The following GNPAT variants were observed in gnomAD, a reference collection of about 807,000 sequenced individuals.
The protein encoded by GNPAT is glyceronephosphate O-acyltransferase, also known as dihydroxyacetone phosphate acyltransferase.
Under a neutral mutation model 78.4 loss-of-function variants are expected in GNPAT, and 30 were observed. That is an observed-to-expected ratio of 0.38 (90% CI 0.29 to 0.52). GNPAT has a LOEUF of 0.52. GNPAT is among the 20% of genes least tolerant of loss of function. The pLI, the probability that GNPAT is intolerant of heterozygous loss-of-function variation, is 0.84. For synonymous variants in GNPAT, 271 were observed against 281.1 expected (o/e 0.96, Z 0.36); for missense variants, 714 against 812.2 (o/e 0.88, Z 1.47).
Position 231,246,534 on chromosome 1 carries a change from G to A in GNPAT, c.79-4427G>A, listed in dbSNP as rs528541020. ...AAAGGCCTATTTCACTAGCAGTAGGGAGAGGCCTGCTCTACTAAGTAAGAT... is the reference window on the plus strand; with the variant it reads ...AAAGGCCTATTTCACTAGCAGTAGGAAGAGGCCTGCTCTACTAAGTAAGAT... On this transcript the variant is annotated intron_variant, in intron 1 of 15. Transcript: ENST00000366647. Among the ~76,000 whole-genome samples the A allele has an allele frequency of 2.6e-5, 4 of 152,346 alleles. No homozygotes were observed. In the East Asian group the frequency reaches 7.7e-4, roughly 29 times the overall value.
Position 231,265,780 on chromosome 1 carries a change from TA to T in GNPAT, c.768del (p.Lys256AsnfsTer5). ...RSRSAKTLTP[K>X]FGLLNIVMEP... is the part of the protein sequence containing the mutation. Reference sequence around the variant, plus strand: ...GCCGCTCTGCCAAGACATTGACTCCTAAATTTGGTAGGTCACTACAGATTAA... The same window carrying T: ...GCCGCTCTGCCAAGACATTGACTCCTAATTTGGTAGGTCACTACAGATTAA... On this transcript the variant is annotated frameshift_variant, in exon 6 of 16. Transcript: ENST00000366647. LOFTEE classifies it high-confidence loss of function. The T allele has an allele frequency of 6.3e-7, 1 of 1,584,762 alleles. No individual in the cohort carries two copies. The highest frequency in any genetic ancestry group is 8.7e-7 in the Non-Finnish European group (1 of 1,153,158).
intron 6 of GNPAT, 37 bp from the exon 7 acceptor site, chr1:231,265,977 A>G: frequency 3.2e-6 from 5 of 1,582,036 alleles, no homozygotes; most frequent in Non-Finnish European, 3.5e-6. Flanking sequence ...TCTGCTCTTC[A>G]ATATGTTGAT....
chr1:231,271,043 GCCATTCCATT>G, intron 10 of GNPAT, 43 bp downstream of exon 10: 1 of 1,609,142 alleles, frequency 6.2e-7, no homozygotes, highest in Non-Finnish European at 8.5e-7. Flanking sequence ...AAGAGGTCTG[GCCATTCCATT>G]CCATTTAGGG....
In GNPAT at chr1:231,262,831, C is replaced by T; in HGVS notation, c.547C>T (p.Pro183Ser). 3.7e-6 allele frequency: 6 copies of T among 1,611,654 alleles called. No homozygotes were observed. The highest frequency in any genetic ancestry group is 5.1e-6 in the Non-Finnish European group (6 of 1,177,884). ...TCTATACAATTATGATTTGCCTGTGCCAGTTATAGCAGCAGGAATGGGTAT... is the reference window on the plus strand; with the variant it reads ...TCTATACAATTATGATTTGCCTGTGTCAGTTATAGCAGCAGGAATGGGTAT... ...FLLYNYDLPV[P>S]VIAAGMDFLG... Residue 183 changes from proline (P) to serine (S), a missense_variant, in exon 4 of 16, where the codon CCA (proline) becomes TCA (serine). Transcript: ENST00000366647.
At chr1:231,257,484 C>G (rs2102809502) in intron 2 of GNPAT, among the ~76,000 whole-genome samples, 1 of 152,288 alleles carries the variant, frequency 6.6e-6, no homozygotes, top group Admixed American at 6.5e-5. Context: ...TTTATTGTTA[C>G]ACACTCTCTT....
Position 231,275,513 on chromosome 1 carries a change from A to G in GNPAT, c.1937+15A>G, listed in dbSNP as rs557377895. On this transcript the variant is annotated intron_variant, in intron 14 of 15. Transcript: ENST00000366647. ...AAGAAGAAGATGTAAGTACTGTACA[A>G]GATCCCATGAGTGCTCAAGGAACAA... is the stretch of plus-strand genomic sequence containing the variant. 70 of 1,355,182 alleles carry G rather than the reference A, an allele frequency of 5.2e-5. No homozygotes were observed. In the East Asian group the frequency reaches 1.5e-3, roughly 30 times the overall value. 83.9% of individuals were successfully genotyped at this position (1,355,182 alleles called of 1,614,324 possible).
At chr1:231,275,604 A>G (rs944116417) in intron 14 of GNPAT, 106 bp downstream of exon 14, 26 of 758,744 alleles carry the variant, frequency 3.4e-5, no homozygotes, top group Admixed American at 1.3e-4. Flanking sequence ...AGGAAATGCT[A>G]TATTCTACTT....
intron 10 of GNPAT, among the ~76,000 whole-genome samples, chr1:231,272,015 G>A (rs551395634): frequency 2.6e-5 from 4 of 152,236 alleles, no homozygotes; most frequent in South Asian, 4.2e-4. Flanking sequence ...CTGGAGAATC[G>A]CTTGACCCCA....
intron 1 of GNPAT, 74 bp downstream of exon 1, chr1:231,241,530 T>G (rs1684604915): frequency 9.1e-7 from 1 of 1,099,294 alleles, no homozygotes; most frequent in Non-Finnish European, 1.4e-6. Context: ...TCCCTATTCC[T>G]CCGGCCCACC....
At chr1:231,261,690 T>C (rs1685228972) in intron 3 of GNPAT, among the ~76,000 whole-genome samples, 1 of 152,248 alleles carries the variant, frequency 6.6e-6, no homozygotes, top group Non-Finnish European at 1.5e-5. Context: ...CCACTGATGA[T>C]TTTTGCCTGA....
At chr1:231,275,986 C>G (rs1272821224) in intron 14 of GNPAT, 149 bp from the exon 15 acceptor site, 2 of 605,766 alleles carry the variant, frequency 3.3e-6, no homozygotes, top group Middle Eastern at 3.5e-4. Flanking sequence ...GGAGGTGGGA[C>G]AGGAGCCTGA....
intron 2 of GNPAT, among the ~76,000 whole-genome samples, chr1:231,257,825 G>A (rs949424599): frequency 1.3e-5 from 2 of 152,148 alleles, no homozygotes; most frequent in African/African-American, 2.4e-5. Flanking sequence ...ATACACCTCA[G>A]AATCTGTATA....
chr1:231,248,590 A>G (rs915976236), intron 1 of GNPAT, among the ~76,000 whole-genome samples: 1 of 152,154 alleles, frequency 6.6e-6, no homozygotes, highest in African/African-American at 2.4e-5. Context: ...ACTTAAATGT[A>G]AAAATCCTCA....
chr1:231,251,879 T>C (rs1684908417), intron 2 of GNPAT, among the ~76,000 whole-genome samples: 1 of 152,218 alleles, frequency 6.6e-6, no homozygotes, highest in African/African-American at 2.4e-5. Context: ...TGGCTTCCCC[T>C]TAGAATCACC....
intron 1 of GNPAT, among the ~76,000 whole-genome samples, chr1:231,248,755 T>C (rs2102799642): frequency 6.6e-6 from 1 of 152,316 alleles, no homozygotes; most frequent in Admixed American, 6.5e-5. Context: ...ATATCGTATT[T>C]TTGCTGTATC....
intron 7 of GNPAT, 34 bp from the exon 8 acceptor site, chr1:231,266,243 T>C (rs1369581922): frequency 1.2e-6 from 2 of 1,613,980 alleles, no homozygotes; most frequent in South Asian, 1.1e-5. Context: ...TTACTGCTTT[T>C]CGTTTTCTTC....
chr1:231,246,592 G>A (rs1344800792), intron 1 of GNPAT, among the ~76,000 whole-genome samples: 1 of 152,144 alleles, frequency 6.6e-6, no homozygotes, highest in South Asian at 2.1e-4. Context: ...GGCTTACTTG[G>A]GTTCTTCTTT....
At chr1:231,253,531 G>A (rs1383769832) in intron 2 of GNPAT, among the ~76,000 whole-genome samples, 1 of 152,140 alleles carries the variant, frequency 6.6e-6, no homozygotes, top group Non-Finnish European at 1.5e-5. Context: ...TTTTATCTCT[G>A]CTCTCTGTTT....
At chr1:231,243,387 G>A (rs1042972757) in intron 1 of GNPAT, among the ~76,000 whole-genome samples, 16 of 152,130 alleles carry the variant, frequency 1.1e-4, no homozygotes, top group South Asian at 6.2e-4. Context: ...ACAGTGGCTC[G>A]ATCTTGGTTC....
Sources: allele counts gnomAD v4.1 joint callset (sites outside exome capture counted in the v4.1 genomes callset), GRCh38; gene constraint gnomAD v4.1.1; transcripts MANE v1.5; gene names NCBI Gene and HGNC (gene_info 2026-07-23, HGNC 2026-07-21).